The following TMOD3 variants were observed in gnomAD, a reference collection of about 807,000 sequenced individuals.
TMOD3 encodes the protein tropomodulin-3.
Under a neutral mutation model 39.2 loss-of-function variants are expected in TMOD3, and 20 were observed. The observed-to-expected ratio is 0.51, with a 90% CI of 0.36 to 0.74. The LOEUF (loss-of-function observed/expected upper bound fraction) is 0.74, where lower values mean the gene tolerates loss of function less well. TMOD3 is among the 30% of genes least tolerant of loss of function. The probability of loss-of-function intolerance (pLI) is 0.00; values close to 1 mark genes in which losing one functional copy is unlikely to be tolerated. For synonymous variants in TMOD3, 143 were observed against 145.8 expected (o/e 0.98, Z 0.14); for missense variants, 381 against 412.8 (o/e 0.92, Z 0.67).
intron 3 of TMOD3, among the ~76,000 whole-genome samples, chr15:51,873,533 T>C (rs1431099509): frequency 6.6e-6 from 1 of 152,218 alleles, no homozygotes; most frequent in Admixed American, 6.5e-5. Flanking sequence ...ATTTTTTCAT[T>C]CAAAGATGAC....
At chr15:51,900,562 C>G (rs1318893830) in intron 8 of TMOD3, among the ~76,000 whole-genome samples, 1 of 152,174 alleles carries the variant, frequency 6.6e-6, no homozygotes. Flanking sequence ...AGGACTCTTA[C>G]ATGTGACCTA....
At chr15:51,883,167 T>C (rs753556954) in intron 3 of TMOD3, among the ~76,000 whole-genome samples, 3 of 152,174 alleles carry the variant, frequency 2.0e-5, no homozygotes, top group Non-Finnish European at 4.4e-5. Flanking sequence ...AGAGGTGCCA[T>C]GCTATGTCAG....
intron 6 of TMOD3, among the ~76,000 whole-genome samples, chr15:51,895,923 A>G (rs1372582074): frequency 6.6e-6 from 1 of 152,148 alleles, no homozygotes; most frequent in African/African-American, 2.4e-5. Flanking sequence ...AGCCTGACCA[A>G]CATGATGAAA....
chr15:51,904,715 T>C (rs1304376001), intron 9 of TMOD3, among the ~76,000 whole-genome samples: 1 of 152,226 alleles, frequency 6.6e-6, no homozygotes, highest in Non-Finnish European at 1.5e-5. Flanking sequence ...TGCCTGCATT[T>C]CTGTAAGAAA....
At chr15:51,887,450 A>G (rs192736835) in intron 3 of TMOD3, 139 bp from the exon 4 acceptor site, 46 of 898,952 alleles carry the variant, frequency 5.1e-5, no homozygotes, top group African/African-American at 6.8e-5. Context: ...TTAAAAATCT[A>G]TGTCAGAGAT....
chr15:51,882,996 T>G (rs906032994), intron 3 of TMOD3, among the ~76,000 whole-genome samples: 1 of 152,212 alleles, frequency 6.6e-6, no homozygotes, highest in African/African-American at 2.4e-5. Flanking sequence ...ATATATGCAT[T>G]AAAAGATAAC....
intron 3 of TMOD3, among the ~76,000 whole-genome samples, chr15:51,885,857 CG>C (rs1375561636): frequency 6.6e-6 from 1 of 150,782 alleles, no homozygotes; most frequent in Admixed American, 6.6e-5. Flanking sequence ...ACTTCCCAGA[CG>C]GGGCGGCCGG....
chr15:51,902,853 G>A (rs918538716), intron 9 of TMOD3, among the ~76,000 whole-genome samples: 8 of 151,604 alleles, frequency 5.3e-5, no homozygotes, highest in African/African-American at 1.5e-4. Flanking sequence ...GGGTTTCACC[G>A]TGTTAGCCAG....
intron 5 of TMOD3, chr15:51,892,510 G>A (rs1051801639): frequency 2.0e-5 from 3 of 152,152 alleles, no homozygotes; most frequent in African/African-American, 7.2e-5. Flanking sequence ...GAGAGTGAGG[G>A]AGGGCAGTAA....
At chr15:51,906,081 C>T (rs2056679169) in intron 9 of TMOD3, among the ~76,000 whole-genome samples, 1 of 151,560 alleles carries the variant, frequency 6.6e-6, no homozygotes, top group Admixed American at 6.6e-5. Flanking sequence ...CAAGTGAGCA[C>T]CAGGTGAGAA....
At chr15:51,887,796 G>A (rs1566864139) in intron 4 of TMOD3, 85 bp downstream of exon 4, 2 of 1,540,142 alleles carry the variant, frequency 1.3e-6, no homozygotes, top group Middle Eastern at 1.7e-4. Flanking sequence ...TTATACAAAC[G>A]TTTGCTTTAC....
chr15:51,908,522 A>T (rs1034678513), intron 9 of TMOD3, among the ~76,000 whole-genome samples: 3 of 151,948 alleles, frequency 2.0e-5, no homozygotes, highest in Admixed American at 2.0e-4. Context: ...CACAGCTATG[A>T]GTCATTGAGC....
intron 1 of TMOD3, among the ~76,000 whole-genome samples, chr15:51,854,737 G>T (rs561961950): frequency 1.3e-4 from 20 of 152,302 alleles, no homozygotes; most frequent in African/African-American, 4.8e-4. Flanking sequence ...CCAGGTGCTG[G>T]TGCAATGATA....
intron 7 of TMOD3, among the ~76,000 whole-genome samples, chr15:51,897,183 C>T (rs2056625019): frequency 1.3e-5 from 2 of 152,080 alleles, no homozygotes; most frequent in Non-Finnish European, 2.9e-5. Flanking sequence ...TGGCCCAGAA[C>T]GTGGTCCTTC....
intron 1 of TMOD3, among the ~76,000 whole-genome samples, chr15:51,834,827 A>G (rs1330876921): frequency 6.6e-6 from 1 of 152,216 alleles, no homozygotes; most frequent in Admixed American, 6.5e-5. Flanking sequence ...ACCCTGTCTC[A>G]AGACAAAACA....
intron 3 of TMOD3, among the ~76,000 whole-genome samples, chr15:51,876,552 C>G (rs76004026): frequency 0.17 from 25,695 of 150,354 alleles, 2,954 homozygotes; most frequent in East Asian, 0.55. Flanking sequence ...GGCTCCACCC[C>G]CTGGGTTCAT....
intron 1 of TMOD3, chr15:51,858,450 A>T (rs971239157): frequency 6.6e-6 from 1 of 151,910 alleles, no homozygotes; most frequent in Admixed American, 6.6e-5. Flanking sequence ...AAAATTCAAG[A>T]TAACCAGTAA....
intron 1 of TMOD3, among the ~76,000 whole-genome samples, chr15:51,834,046 T>C (rs755274460): frequency 6.6e-6 from 1 of 152,224 alleles, no homozygotes; most frequent in Non-Finnish European, 1.5e-5. Context: ...GAATGTTGAG[T>C]GCTTTATCAT....
chr15:51,861,132 A>T, intron 1 of TMOD3: 1 of 513,198 alleles, frequency 1.9e-6, no homozygotes, highest in Non-Finnish European at 3.8e-6. Flanking sequence ...ATAATTGATA[A>T]AGTCGTCCTT....
Sources: gnomAD v4.1 joint callset for allele counts (sites outside exome capture counted in the v4.1 genomes callset) on GRCh38, gnomAD v4.1.1 for gene constraint, MANE v1.5 for transcripts, NCBI Gene and HGNC (gene_info 2026-07-23, HGNC 2026-07-21) for gene names.